Variants in WDR62 observed in about 807,000 individuals in gnomAD.
WDR62 encodes WD repeat-containing protein 62.
In WDR62, 112 loss-of-function variants were observed where a neutral mutation model predicts 160.6. The observed-to-expected ratio is 0.70, with a 90% CI of 0.60 to 0.82. WDR62 has a LOEUF of 0.82. Ranked by LOEUF, WDR62 falls within the 40% of genes least tolerant of loss-of-function variation. WDR62 has a pLI of 0.00. For missense variants in WDR62, 1,819 were observed against 1,983.8 expected, an observed-to-expected ratio of 0.92 and a Z score of 1.58; for synonymous variants, 792 against 815.1, an observed-to-expected ratio of 0.97 and a Z score of 0.48.
rs1479606712 is a variant in WDR62 at position 36,097,517 on chromosome 19, G to T, written c.2520+438G>T. Among the ~76,000 whole-genome samples, 4 of 151,984 alleles carry T rather than the reference G, an allele frequency of 2.6e-5. No individual in the cohort carries two copies. In the East Asian group the frequency reaches 7.7e-4, roughly 29 times the overall value. The stretch of plus-strand genomic sequence containing the variant: ...CACTTGAGCCCAGGAGGTTGAGGCT[G>T]TAGGGAACTGAGAAGGCACCACTAC... On this transcript the variant is annotated intron_variant, in intron 21 of 31. Coordinates refer to ENST00000401500, the MANE Select transcript of WDR62 (RefSeq NM_001083961.2).
intron 7 of WDR62, among the ~76,000 whole-genome samples, chr19:36,068,962 G>A (rs955671498): frequency 3.6e-4 from 55 of 151,896 alleles, no homozygotes; most frequent in Admixed American, 2.0e-3. Context: ...TCTCCCGGAC[G>A]GGGCGGCGGC....
At chr19:36,068,725 A>T (rs1278050275) in intron 7 of WDR62, among the ~76,000 whole-genome samples, 2 of 152,266 alleles carry the variant, frequency 1.3e-5, no homozygotes, top group African/African-American at 4.8e-5. Context: ...TTCTTAGTAC[A>T]GAACAAAATG....
intron 9 of WDR62, among the ~76,000 whole-genome samples, chr19:36,075,753 A>C (rs1366582004): frequency 5.9e-5 from 9 of 152,226 alleles, no homozygotes; most frequent in Non-Finnish European, 1.2e-4. Flanking sequence ...GCCTGTTAGC[A>C]GCTATTGATG....
At chr19:36,059,937 A>C (rs748552162) in intron 2 of WDR62, 31 bp from the exon 3 acceptor site, 8 of 1,613,224 alleles carry the variant, frequency 5.0e-6, no homozygotes, top group Non-Finnish European at 5.1e-6. Context: ...CACTCCCCAC[A>C]GTTGAGGCAC....
chr19:36,088,928 C>G (rs896503819), intron 13 of WDR62, 110 bp from the exon 14 acceptor site: 15 of 1,269,080 alleles, frequency 1.2e-5, no homozygotes, highest in Admixed American at 1.9e-5. Context: ...CTTTAGGAAG[C>G]CTTGATCCCA....
chr19:36,107,841 C>T (rs1973742112), downstream of WDR62, among the ~76,000 whole-genome samples: 1 of 152,092 alleles, frequency 6.6e-6, no homozygotes, highest in South Asian at 2.1e-4. Flanking sequence ...GATAAACCAC[C>T]TGGTTAAGAA....
At chr19:36,083,694 TG>T (rs963622250) in intron 11 of WDR62, among the ~76,000 whole-genome samples, 40 of 152,096 alleles carry the variant, frequency 2.6e-4, no homozygotes, top group African/African-American at 8.7e-4. Context: ...TAGGTGCTAG[TG>T]GGACATAGGC....
At chr19:36,107,588 G>A (rs1973738696), downstream of WDR62, among the ~76,000 whole-genome samples, 2 of 151,832 alleles carry the variant, frequency 1.3e-5, no homozygotes, top group Admixed American at 6.6e-5. Context: ...TCTCCCAGGG[G>A]TCTCCCTGGG....
rs1341300337 is a variant in WDR62, at chr19:36,055,098, C to T, written c.127C>T (p.Arg43Trp). ...SPPPAPPICL[R>W]RRTRLSTASE... ...GCCCCCCGCCCCACCAATCTGCCTA[C>T]GGCGGCGGACGCGACTCTCGACGGC... The change falls in exon 1 of 32, where the codon CGG becomes TGG. Residue 43 changes from arginine (R) to tryptophan (W), a missense_variant. Coordinates refer to ENST00000401500, the MANE Select transcript of WDR62 (RefSeq NM_001083961.2). 2.5e-6 allele frequency: 4 copies of T among 1,605,492 alleles called. No individual in the cohort carries two copies. The highest frequency in any genetic ancestry group is 3.4e-6 in the Non-Finnish European group (4 of 1,177,196).
chr19:36,059,973 T>C lies in WDR62; in HGVS notation c.275T>C (p.Val92Ala), dbSNP rs1568323262. Residue 92 changes from valine (V) to alanine (A), a missense_variant, in exon 3 of 32, where the codon GTG becomes GCG. Coordinates refer to ENST00000401500, the MANE Select transcript of WDR62 (RefSeq NM_001083961.2). The part of the protein sequence containing the change: ...TGHVAYLAGC[V>A]VVILDPKENK... ...ATTTTCCTCTTTCTTCCCAGCTGTG[T>C]GGTGGTGATTTTGGACCCCAAGGAG... 1 of 1,614,104 alleles carries C rather than the reference T, an allele frequency of 6.2e-7. No individual in the cohort carries two copies. The highest frequency in any genetic ancestry group is 8.5e-7 in the Non-Finnish European group (1 of 1,180,022).
intron 17 of WDR62, 29 bp downstream of exon 17, chr19:36,091,340 T>TGGCCCCCC: frequency 5.7e-6 from 9 of 1,579,038 alleles, no homozygotes; most frequent in Non-Finnish European, 7.0e-6. Context: ...TTGGGATGCC[T>TGGCCCCCC]CCCCACCCGC....
Position 36,058,855 on chromosome 19 carries a change from G to A in WDR62, c.253G>A (p.Val85Met), listed in dbSNP as rs146274964. 2.7e-3 allele frequency: 4,395 copies of A among 1,614,138 alleles called. 8 individuals are homozygous for A. Among genetic ancestry groups the A allele is most frequent in the Non-Finnish European group, 3.5e-3 (4,130 of 1,179,950 alleles). ...AACCTGTGACCCCGGCACAGGCCATGTGGCCTACCTGGCAGGGTAAGCAGA... is the reference window on the plus strand; with the variant it reads ...AACCTGTGACCCCGGCACAGGCCATATGGCCTACCTGGCAGGGTAAGCAGA... ...GLTCDPGTGH[V>M]AYLAGCVVVI... is the part of the protein sequence containing the mutation. The change falls in exon 2 of 32, where the codon GTG becomes ATG. Residue 85 changes from valine to methionine, a missense_variant. By Grantham distance (21) the Val-to-Met change is conservative. This residue lies in a region of WDR62 where 934 missense variants were observed against 1,157.2 expected (regional missense o/e 0.81). Coordinates refer to ENST00000401500, the MANE Select transcript of WDR62 (RefSeq NM_001083961.2).
At chr19:36,093,982 A>G (rs1599825190) in intron 19 of WDR62, 49 bp from the exon 20 acceptor site, 1 of 1,611,388 alleles carries the variant, frequency 6.2e-7, no homozygotes, top group East Asian at 2.2e-5. Flanking sequence ...CCCCACCACC[A>G]GCCCATTTGC....
At chr19:36,106,503 A>G (rs949424681), downstream of WDR62, among the ~76,000 whole-genome samples, 2 of 152,302 alleles carry the variant, frequency 1.3e-5, no homozygotes, top group South Asian at 4.1e-4. Context: ...AGAGCTCTGT[A>G]TAATTCTAGA....
downstream of WDR62, among the ~76,000 whole-genome samples, chr19:36,105,934 G>T (rs1253400989): frequency 1.3e-5 from 2 of 152,028 alleles, no homozygotes; most frequent in African/African-American, 4.8e-5. Context: ...CCTGACCTTG[G>T]GAGATCCGCC....
At chr19:36,096,921 C>A in intron 20 of WDR62, 106 bp from the exon 21 acceptor site, 1 of 1,025,034 alleles carries the variant, frequency 9.8e-7, no homozygotes, top group South Asian at 1.4e-5. Flanking sequence ...GTTGAGCCTT[C>A]TGACTTCTGG....
intron 7 of WDR62, 141 bp from the exon 8 acceptor site, chr19:36,071,414 TA>T: frequency 1.0e-6 from 1 of 955,706 alleles, no homozygotes; most frequent in Non-Finnish European, 1.7e-6. Flanking sequence ...TCACAAATCT[TA>T]AAATATGCTA....
intron 16 of WDR62, 72 bp downstream of exon 16, chr19:36,090,592 C>A: frequency 7.0e-7 from 1 of 1,428,094 alleles, no homozygotes; most frequent in Non-Finnish European, 9.9e-7. Flanking sequence ...ACACCTGAGA[C>A]CTGTGCCCTT....
the WDR62 span, chr19:36,111,007 G>A: frequency 1.7e-6 from 1 of 583,160 alleles, no homozygotes; most frequent in Non-Finnish European, 3.0e-6. Flanking sequence ...AAACCTGGGA[G>A]AAGATGGGCA....
Sources: gnomAD v4.1 joint callset for allele counts (sites outside exome capture counted in the v4.1 genomes callset) on GRCh38, gnomAD v4.1.1 for gene constraint, gnomAD v4.1.1 regional missense constraint, MANE v1.5 for transcripts, NCBI Gene and HGNC (gene_info 2026-07-23, HGNC 2026-07-21) for gene names.